Variants in RPS6KA1 observed in about 807,000 individuals in gnomAD.
The protein encoded by RPS6KA1 is ribosomal protein S6 kinase alpha-1.
A neutral mutation model predicts 91.3 loss-of-function variants in RPS6KA1; 48 were observed. That is an observed-to-expected ratio of 0.53 (90% CI 0.42 to 0.67). RPS6KA1 has a LOEUF of 0.67. RPS6KA1 is among the 30% of genes least tolerant of loss of function. The probability of loss-of-function intolerance (pLI) is 0.00; values close to 1 mark genes in which losing one functional copy is unlikely to be tolerated. For synonymous variants in RPS6KA1, 359 were observed against 384.7 expected, an observed-to-expected ratio of 0.93 and a Z score of 0.78; for missense variants, 719 against 960.5, an observed-to-expected ratio of 0.75 and a Z score of 3.32.
chr1:26,553,399 C>T lies in RPS6KA1; in HGVS notation c.477C>T (p.Phe159=). Residue 159 remains phenylalanine, a synonymous_variant, in exon 7 of 22, where the codon TTC becomes TTT. Coordinates refer to ENST00000374168, the MANE Select transcript of RPS6KA1 (RefSeq NM_002953.4). ...CCTCCTGTCTTTTGCAGGTGATGTTCACGGAGGAGGATGTGAAGTTTTACC... is the reference window on the plus strand; with the variant it reads ...CCTCCTGTCTTTTGCAGGTGATGTTTACGGAGGAGGATGTGAAGTTTTACC... ...LFTRLSKEVM[F]TEEDVKFYLA... 1 of 1,610,666 alleles carries T rather than the reference C, an allele frequency of 6.2e-7. No individual in the cohort carries two copies. Among genetic ancestry groups the T allele is most frequent in the Non-Finnish European group, 8.5e-7 (1 of 1,177,250 alleles).
At chr1:26,559,427 C>G (rs1358237352) in intron 14 of RPS6KA1, among the ~76,000 whole-genome samples, 1 of 151,956 alleles carries the variant, frequency 6.6e-6, no homozygotes, top group Non-Finnish European at 1.5e-5. Context: ...AGTGCAGTGG[C>G]ACAATCTCAG....
intron 2 of RPS6KA1, chr1:26,544,103 C>T (rs2075970900): frequency 2.2e-6 from 1 of 456,332 alleles, no homozygotes; most frequent in Non-Finnish European, 4.4e-6. Context: ...ACAGCTCTGC[C>T]CTTAACCCCT....
intron 2 of RPS6KA1, among the ~76,000 whole-genome samples, chr1:26,544,987 C>T (rs2075979693): frequency 6.6e-6 from 1 of 151,976 alleles, no homozygotes; most frequent in Non-Finnish European, 1.5e-5. Context: ...CTCTGTCCAC[C>T]TCTGTCTGTT....
At chr1:26,568,408 T>G (rs1244084497) in intron 17 of RPS6KA1, among the ~76,000 whole-genome samples, 1 of 152,224 alleles carries the variant, frequency 6.6e-6, no homozygotes, top group Non-Finnish European at 1.5e-5. Context: ...GACAGTTTCC[T>G]ATAGGAATTT....
At chr1:26,556,306 A>G (rs572874027) in intron 11 of RPS6KA1, 1 of 361,596 alleles carries the variant, frequency 2.8e-6, no homozygotes, top group East Asian at 5.7e-5. Context: ...GGATAAGAGG[A>G]ACAGAGATGA....
chr1:26,557,203 C>T (rs547735292), intron 13 of RPS6KA1, 103 bp downstream of exon 13: 11 of 865,210 alleles, frequency 1.3e-5, no homozygotes, highest in South Asian at 1.0e-4. Flanking sequence ...ACTGACAGGC[C>T]GAGGTATGCG....
chr1:26,554,442 A>T lies in RPS6KA1; in HGVS notation c.614-154A>T, dbSNP rs536845811. ...CCCAGCCCCTCATTGTGTAACGTTG[A>T]GCAAGTCACCTGACCTCTCTGGGCC... is the stretch of plus-strand genomic sequence containing the variant. On this transcript the variant is annotated intron_variant, in intron 8 of 21. Transcript: ENST00000374168. This position sits in a 1 kb window ranked among gnomAD's most constrained non-coding sequence, Gnocchi z 4.6. The T allele has an allele frequency of 3.4e-6, 4 of 1,179,298 alleles. No homozygotes were observed. In the East Asian group the frequency reaches 7.1e-5, roughly 21 times the overall value. 73.1% of individuals were successfully genotyped at this position (1,179,298 alleles called of 1,614,324 possible).
chr1:26,529,901 G>C lies in RPS6KA1; in HGVS notation c.-20G>C. ...CAGCCGGGGCCGCCGGAGGAGCGCGGGTGACCTGGCGGCGGCGAGATGCCG... is the reference window on the plus strand; with the variant it reads ...CAGCCGGGGCCGCCGGAGGAGCGCGCGTGACCTGGCGGCGGCGAGATGCCG... On this transcript the variant is annotated 5_prime_UTR_variant, in exon 1 of 22. Coordinates refer to ENST00000374168, the MANE Select transcript of RPS6KA1 (RefSeq NM_002953.4). The surrounding 1 kb of genome is among the most constrained non-coding windows in gnomAD (Gnocchi z 4.2). The C allele has an allele frequency of 7.0e-7, 1 of 1,421,006 alleles. No homozygotes were observed. The highest frequency in any genetic ancestry group is 9.2e-7 in the Non-Finnish European group (1 of 1,086,286). 88.0% of individuals were successfully genotyped at this position (1,421,006 alleles called of 1,614,324 possible).
intron 1 of RPS6KA1, among the ~76,000 whole-genome samples, chr1:26,530,261 C>A (rs943134514): frequency 1.3e-5 from 2 of 152,244 alleles, no homozygotes; most frequent in Non-Finnish European, 2.9e-5. Flanking sequence ...ACCTAGGACC[C>A]GTCCCGGCAT....
rs2076090359 is a variant in RPS6KA1, at chr1:26,555,301, T to C, written c.827+80T>C. 5 of 1,373,566 alleles carry C rather than the reference T, an allele frequency of 3.6e-6. No individual in the cohort carries two copies. The highest frequency in any genetic ancestry group is 5.1e-6 in the Non-Finnish European group (5 of 971,580). The allele number at this position is 1,373,566 out of a possible 1,614,324, so 85.1% of individuals were successfully genotyped here. On this transcript the variant is annotated intron_variant, in intron 10 of 21. Transcript: ENST00000374168. This position sits in a 1 kb window ranked among gnomAD's most constrained non-coding sequence, Gnocchi z 4.3. ...TTTGGGGGTCAGAATATTATTACCC[T>C]GTCCCTGCCTCAGCTACCCTCTCTA... is the stretch of plus-strand genomic sequence containing the variant.
In RPS6KA1 at chr1:26,555,370, C is replaced by G. The variant is rs774118303; in HGVS notation, c.827+149C>G. Reference sequence around the variant, plus strand: ...TTAAACATTATACCTTCCAGAGCCCCTCTTTCATCCCTGGGGGCCTGTGGG... The same window carrying G: ...TTAAACATTATACCTTCCAGAGCCCGTCTTTCATCCCTGGGGGCCTGTGGG... On this transcript the variant is annotated intron_variant, in intron 10 of 21. Transcript: ENST00000374168. This position sits in a 1 kb window ranked among gnomAD's most constrained non-coding sequence, Gnocchi z 4.3. The G allele has an allele frequency of 5.9e-6, 6 of 1,016,774 alleles. No homozygotes were observed. Among genetic ancestry groups the G allele is most frequent in the African/African-American group, 3.2e-5 (2 of 61,946 alleles). The allele number at this position is 1,016,774 out of a possible 1,614,324, so 63.0% of individuals were successfully genotyped here.
intron 7 of RPS6KA1, chr1:26,553,801 ATATC>A (rs1459499272): frequency 2.8e-5 from 7 of 247,664 alleles, no homozygotes; most frequent in Non-Finnish European, 4.6e-5. Context: ...ATTTTCCCTA[ATATC>A]TAACTACCCT....
Position 26,547,553 on chromosome 1 carries a change from G to A in RPS6KA1, c.307+283G>A, listed in dbSNP as rs1390701553. 2.6e-6 allele frequency: 1 copy of A among 384,960 alleles called. No individual in the cohort carries two copies. Among genetic ancestry groups the A allele is most frequent in the Non-Finnish European group, 5.0e-6 (1 of 201,232 alleles). 23.8% of individuals were successfully genotyped at this position (384,960 alleles called of 1,614,324 possible). A position where few individuals can be genotyped will look rare whatever the true frequency, so the allele number is the denominator to read the frequency against. ...CCTCAACTACCAAGCTGGTCAAGCAGAGGCATTCTGACTGTTGATGCTAGA... is the reference window on the plus strand; with the variant it reads ...CCTCAACTACCAAGCTGGTCAAGCAAAGGCATTCTGACTGTTGATGCTAGA... On this transcript the variant is annotated intron_variant, in intron 4 of 21. Coordinates refer to ENST00000374168, the MANE Select transcript of RPS6KA1 (RefSeq NM_002953.4). This position sits in a 1 kb window ranked among gnomAD's most constrained non-coding sequence, Gnocchi z 4.1.
chr1:26,556,881 A>G (rs780120785), intron 12 of RPS6KA1, 117 bp from the exon 13 acceptor site: 10 of 1,165,344 alleles, frequency 8.6e-6, no homozygotes, highest in Non-Finnish European at 1.3e-5. Context: ...AGGGCAAGCA[A>G]TTCCGAGAGC....
At position 26,555,756 on chromosome 1, in the gene RPS6KA1, C is replaced by A; in HGVS notation, c.916+131C>A. The A allele has an allele frequency of 2.3e-6, 2 of 872,380 alleles. No homozygotes were observed. The highest frequency in any genetic ancestry group is 3.7e-6 in the Non-Finnish European group (2 of 542,208). 54.0% of individuals were successfully genotyped at this position (872,380 alleles called of 1,614,324 possible). A position where few individuals can be genotyped will look rare whatever the true frequency, so the allele number is the denominator to read the frequency against. ...TGTGTGGGCAGACAATGCCGCGGGC[C>A]ACCCTGCTTTCTGGCTCCATGTGTG... is the stretch of plus-strand genomic sequence containing the variant. On this transcript the variant is annotated intron_variant, in intron 11 of 21. Coordinates refer to ENST00000374168, the MANE Select transcript of RPS6KA1 (RefSeq NM_002953.4). The surrounding 1 kb of genome is among the most constrained non-coding windows in gnomAD (Gnocchi z 4.3).
chr1:26,547,092 G>A lies in RPS6KA1; in HGVS notation c.226-97G>A. On this transcript the variant is annotated intron_variant, in intron 3 of 21. Transcript: ENST00000374168. This position sits in a 1 kb window ranked among gnomAD's most constrained non-coding sequence, Gnocchi z 4.1. ...CAGAGGTCACCTTGGTACCCAGGGA[G>A]AGCAAAAAGGTCAGCTTGGGGCTCA... 1 of 1,536,912 alleles carries A rather than the reference G, an allele frequency of 6.5e-7. No homozygotes were observed. The highest frequency in any genetic ancestry group is 9.0e-7 in the Non-Finnish European group (1 of 1,111,334).
chr1:26,542,010 C>T (rs1012123313), intron 2 of RPS6KA1, among the ~76,000 whole-genome samples: 8 of 152,314 alleles, frequency 5.3e-5, no homozygotes, highest in African/African-American at 1.9e-4. Context: ...TCCCCCCGCC[C>T]GCCACCAGAG....
At chr1:26,542,208 C>T (rs1427466066) in intron 2 of RPS6KA1, among the ~76,000 whole-genome samples, 1 of 152,158 alleles carries the variant, frequency 6.6e-6, no homozygotes, top group South Asian at 2.1e-4. Context: ...TCTGAGGGAC[C>T]AGGGGTTGGT....
At chr1:26,539,746 C>T (rs1293248233) in intron 2 of RPS6KA1, among the ~76,000 whole-genome samples, 1 of 152,178 alleles carries the variant, frequency 6.6e-6, no homozygotes, top group African/African-American at 2.4e-5. Flanking sequence ...CTCTCTGGAT[C>T]CCCTCAGCAC....
Sources: gnomAD v4.1 joint callset for allele counts (sites outside exome capture counted in the v4.1 genomes callset) on GRCh38, gnomAD v4.1.1 for gene constraint, Gnocchi (gnomAD v3.1) non-coding constraint, MANE v1.5 for transcripts, NCBI Gene and HGNC (gene_info 2026-07-23, HGNC 2026-07-21) for gene names.